Variants in PWWP2A observed in about 807,000 individuals in gnomAD.
PWWP2A encodes the protein PWWP domain-containing protein 2A.
A neutral mutation model predicts 48.5 loss-of-function variants in PWWP2A; 18 were observed. The observed-to-expected ratio is 0.37, with a 90% CI of 0.26 to 0.55. The LOEUF (loss-of-function observed/expected upper bound fraction) is 0.55, where lower values mean the gene tolerates loss of function less well. Ranked by LOEUF, PWWP2A falls within the 20% of genes least tolerant of loss-of-function variation. The pLI, the probability that PWWP2A is intolerant of heterozygous loss-of-function variation, is 0.81. For missense variants in PWWP2A, 867 were observed against 976.4 expected (o/e 0.89, Z 1.49); for synonymous variants, 396 against 387.7 (o/e 1.02, Z -0.25).
At chr5:160,114,112 C>A (rs1757860207) in intron 1 of PWWP2A, among the ~76,000 whole-genome samples, 1 of 152,156 alleles carries the variant, frequency 6.6e-6, no homozygotes, top group African/African-American at 2.4e-5. Flanking sequence ...AAATAAGATA[C>A]AAATTACTTT....
At chr5:160,110,600 G>A (rs1054789927) in intron 1 of PWWP2A, among the ~76,000 whole-genome samples, 2 of 152,010 alleles carry the variant, frequency 1.3e-5, no homozygotes, top group Admixed American at 6.6e-5. Flanking sequence ...CAGCTACTCG[G>A]GAGGCTGAGG....
At chr5:160,048,575 A>G in the PWWP2A span, among the ~76,000 whole-genome samples, 1 of 152,236 alleles carries the variant, frequency 6.6e-6, no homozygotes, top group East Asian at 1.9e-4. Flanking sequence ...AAAGGAAAAG[A>G]TATTATGCAT....
chr5:160,063,947 C>T (rs1030404443), intron 4 of PWWP2A, among the ~76,000 whole-genome samples: 3 of 150,052 alleles, frequency 2.0e-5, no homozygotes, highest in Non-Finnish European at 3.0e-5. Flanking sequence ...TGGCAAGAAC[C>T]GCTGGCTATA....
At chr5:160,047,479 A>G in the PWWP2A span, among the ~76,000 whole-genome samples, 2 of 152,178 alleles carry the variant, frequency 1.3e-5, no homozygotes, top group Non-Finnish European at 2.9e-5. Context: ...GACCAAGCCA[A>G]CATCTTCTCT....
At chr5:160,116,668 C>G (rs1758177925) in intron 1 of PWWP2A, 4 of 985,240 alleles carry the variant, frequency 4.1e-6, no homozygotes, top group Non-Finnish European at 4.8e-6. Flanking sequence ...CTTATCCATT[C>G]CATTTCCAAA....
At chr5:160,051,268 A>T in the PWWP2A span, 3 of 1,125,840 alleles carry the variant, frequency 2.7e-6, no homozygotes, top group East Asian at 4.8e-5. Context: ...AGAACACATG[A>T]GTTAGAAAGT....
chr5:160,104,543 C>T (rs1167571315), intron 1 of PWWP2A, among the ~76,000 whole-genome samples: 1 of 152,172 alleles, frequency 6.6e-6, no homozygotes, highest in African/African-American at 2.4e-5. Flanking sequence ...TGGCTCACAC[C>T]TGTAATCCTA....
downstream of PWWP2A, among the ~76,000 whole-genome samples, chr5:160,071,399 T>G (rs1032652615): frequency 2.0e-5 from 3 of 152,138 alleles, no homozygotes; most frequent in Non-Finnish European, 4.4e-5. Flanking sequence ...GCGGCAGATG[T>G]AAACCTGTTG....
chr5:160,076,501 G>C (rs1264008523), exon 4 of PWWP2A: 2 of 152,104 alleles, frequency 1.3e-5, no homozygotes, highest in Non-Finnish European at 2.9e-5. Context: ...CAGTTCCTGA[G>C]CTGACTTTTT....
chr5:160,108,568 T>G, intron 1 of PWWP2A: 2 of 1,286,964 alleles, frequency 1.6e-6, no homozygotes, highest in Non-Finnish European at 2.0e-6. Context: ...TGGCTGTATA[T>G]TTTTCCCACC....
chr5:160,107,846 C>A (rs1363354800), intron 1 of PWWP2A, among the ~76,000 whole-genome samples: 1 of 152,018 alleles, frequency 6.6e-6, no homozygotes, highest in Non-Finnish European at 1.5e-5. Context: ...ACTAAAAATA[C>A]AAAAATTAGC....
chr5:160,068,738 A>G (rs1344537331), intron 2 of PWWP2A, among the ~76,000 whole-genome samples: 1 of 152,244 alleles, frequency 6.6e-6, no homozygotes, highest in East Asian at 1.9e-4. Context: ...TGTTGTTAAT[A>G]GCACCAGCAG....
At chr5:160,082,975 TAG>T (rs1484735131) in intron 2 of PWWP2A, among the ~76,000 whole-genome samples, 19 of 152,242 alleles carry the variant, frequency 1.2e-4, no homozygotes, top group East Asian at 1.2e-3. Flanking sequence ...ACGAAAGAAG[TAG>T]AGTTTATGCT....
chr5:160,090,195 T>G (rs1423679958), downstream of PWWP2A: 1 of 984,992 alleles, frequency 1.0e-6, no homozygotes. Context: ...TCTTTCCCCA[T>G]GGCTTCTGAA....
chr5:160,108,018 A>C (rs1468552610), intron 1 of PWWP2A, among the ~76,000 whole-genome samples: 2 of 152,158 alleles, frequency 1.3e-5, no homozygotes, highest in Admixed American at 6.6e-5. Context: ...AAAAAAAAGG[A>C]AACCCCAAGT....
rs745946096 is a variant in PWWP2A, at chr5:160,077,830, G to A, written c.*325C>T. On this transcript the variant is annotated 3_prime_UTR_variant, in exon 4 of 4. Transcript: ENST00000456329. This position sits in a 1 kb window ranked among gnomAD's most constrained non-coding sequence, Gnocchi z 4.2. Reference sequence around the variant, plus strand: ...AGGCCTGTCCAAACTGTACTGATAAGAACTTCACATTCCAAAGAAGTTACT... The same window carrying A: ...AGGCCTGTCCAAACTGTACTGATAAAAACTTCACATTCCAAAGAAGTTACT... 1 of 317,216 alleles carries A rather than the reference G, an allele frequency of 3.2e-6. No individual in the cohort carries two copies. Among genetic ancestry groups the A allele is most frequent in the Non-Finnish European group, 5.9e-6 (1 of 168,512 alleles). The allele number at this position is 317,216 out of a possible 1,614,324, so 19.7% of individuals were successfully genotyped here. A position where few individuals can be genotyped will look rare whatever the true frequency, so the allele number is the denominator to read the frequency against.
downstream of PWWP2A, among the ~76,000 whole-genome samples, chr5:160,075,389 G>T (rs546592602): frequency 1.3e-4 from 20 of 152,154 alleles, no homozygotes; most frequent in Admixed American, 3.9e-4. Flanking sequence ...TAAGTTTCTG[G>T]GTCAGTCCTG....
chr5:160,115,173 C>T, intron 1 of PWWP2A, among the ~76,000 whole-genome samples: 1 of 130,388 alleles, frequency 7.7e-6, no homozygotes, highest in East Asian at 2.4e-4. Context: ...AAAAAGAGCA[C>T]AAACTCAGTA....
At chr5:160,081,445 GGCCA>G (rs1754228694) in intron 2 of PWWP2A, among the ~76,000 whole-genome samples, 1 of 151,946 alleles carries the variant, frequency 6.6e-6, no homozygotes, top group African/African-American at 2.4e-5. Flanking sequence ...TCACCGTTTT[GGCCA>G]GCCTGGTCTC....
Sources: gnomAD v4.1 joint callset for allele counts (sites outside exome capture counted in the v4.1 genomes callset) on GRCh38, gnomAD v4.1.1 for gene constraint, Gnocchi (gnomAD v3.1) non-coding constraint, MANE v1.5 for transcripts, NCBI Gene and HGNC (gene_info 2026-07-23, HGNC 2026-07-21) for gene names.